The following FBF1 variants were observed in gnomAD, a reference collection of about 807,000 sequenced individuals.
FBF1 encodes fas-binding factor 1.
In FBF1, 119 loss-of-function variants were observed where a neutral mutation model predicts 147.2. The observed-to-expected ratio is 0.81, with a 90% CI of 0.70 to 0.94. The LOEUF (loss-of-function observed/expected upper bound fraction) is 0.94. Ranked by LOEUF, FBF1 falls within the 40% of genes least tolerant of loss-of-function variation. The pLI is 0.00. For missense variants in FBF1, 1,449 were observed against 1,500.8 expected (o/e 0.97, Z 0.57); for synonymous variants, 601 against 609.0 (o/e 0.99, Z 0.19).
At chr17:75,930,351 A>C (rs2065587107) in intron 6 of FBF1, among the ~76,000 whole-genome samples, 1 of 152,200 alleles carries the variant, frequency 6.6e-6, no homozygotes, top group Non-Finnish European at 1.5e-5. Flanking sequence ...GCCAATGGAC[A>C]GCTATGGAGT....
intron 4 of FBF1, among the ~76,000 whole-genome samples, chr17:75,935,166 ATTT>A (rs556762409): frequency 2.8e-5 from 4 of 142,442 alleles, no homozygotes; most frequent in African/African-American, 2.6e-5. Flanking sequence ...ATTACATCTC[ATTT>A]TTTTTTTTTT....
chr17:75,938,049 G>A (rs2608882), intron 2 of FBF1, 98 bp downstream of exon 2: 330,967 of 1,555,070 alleles, frequency 0.21, 35,854 homozygotes, highest in Non-Finnish European at 0.22. Context: ...GGTCCTTGCC[G>A]CCCAGCCCCC....
Position 75,909,999 on chromosome 17 carries a change from T to A in FBF1, c.*724A>T. ...TGGGCAGGTGAGCAGCACAGAGGCT[T>A]CCCTCCTCGTCCCTCCCCACACCCC... is the stretch of plus-strand genomic sequence containing the variant. On this transcript the variant is annotated 3_prime_UTR_variant, in exon 30 of 30. Coordinates refer to ENST00000636174, the MANE Select transcript of FBF1 (RefSeq NM_001319193.2). 1 of 681,860 alleles carries A rather than the reference T, an allele frequency of 1.5e-6. No homozygotes were observed. Among genetic ancestry groups the A allele is most frequent in the Non-Finnish European group, 2.7e-6 (1 of 371,936 alleles). The allele number at this position is 681,860 out of a possible 1,614,324, so 42.2% of individuals were successfully genotyped here. A position where few individuals can be genotyped will look rare whatever the true frequency, so the allele number is the denominator to read the frequency against.
At position 75,935,759 on chromosome 17, in the gene FBF1, C is replaced by A. The variant is rs374208594; in HGVS notation, c.32-86G>T. 7.6e-6 allele frequency: 10 copies of A among 1,316,416 alleles called. No homozygotes were observed. The South Asian group carries it at 1.1e-4, about 14-fold the overall frequency. The allele number at this position is 1,316,416 out of a possible 1,614,324, so 81.5% of individuals were successfully genotyped here. On this transcript the variant is annotated intron_variant, in intron 3 of 29. Coordinates refer to ENST00000636174, the MANE Select transcript of FBF1 (RefSeq NM_001319193.2). ...TCAAGGCTTGAGACTCGCCAGAAGG[C>A]GTCAGACCTTTCAGATGTTGGGACT...
In FBF1 at chr17:75,923,566, G is replaced by A. The variant is rs760558926; in HGVS notation, c.1044C>T (p.Ser348=). 6 of 1,609,910 alleles carry A rather than the reference G, an allele frequency of 3.7e-6. No homozygotes were observed. Among genetic ancestry groups the A allele is most frequent in the Non-Finnish European group, 4.2e-6 (5 of 1,178,502 alleles). Residue 348 remains serine (S), a synonymous_variant, in exon 14 of 30, where the codon AGC becomes AGT. Coordinates refer to ENST00000636174, the MANE Select transcript of FBF1 (RefSeq NM_001319193.2). This position sits in a 1 kb window ranked among gnomAD's most constrained non-coding sequence, Gnocchi z 4.1. The part of the protein sequence containing the change: ...GSKQSPPMAS[S]PIQPRKGGAD... Reference sequence around the variant, plus strand: ...CTCCTCCCTTCCTGGGCTGGATGGGGCTGGAAGCCATTGGAGGGCTCTGTT... The same window carrying A: ...CTCCTCCCTTCCTGGGCTGGATGGGACTGGAAGCCATTGGAGGGCTCTGTT...
chr17:75,936,503 A>C (rs1295768646), intron 3 of FBF1, among the ~76,000 whole-genome samples: 1 of 151,296 alleles, frequency 6.6e-6, no homozygotes, highest in Non-Finnish European at 1.5e-5. Context: ...AAAACAAACA[A>C]ACAAACAAAA....
chr17:75,912,241 G>A lies in FBF1; in HGVS notation c.3314C>T (p.Pro1105Leu), dbSNP rs776111019. The change falls in exon 29 of 30, where the codon CCC (proline) becomes CTC (leucine). Residue 1105 changes from proline (P) to leucine (L), a missense_variant. Physicochemically the swap from Pro to Leu is moderately conservative, Grantham distance 98. Coordinates refer to ENST00000636174, the MANE Select transcript of FBF1 (RefSeq NM_001319193.2). ...TGCCAGCCTGGCATGGAGGTGCAAGGGGCTGGGGTCCAGGCCAGTTGGCGG... is the reference window on the plus strand; with the variant it reads ...TGCCAGCCTGGCATGGAGGTGCAAGAGGCTGGGGTCCAGGCCAGTTGGCGG... ...SQPPTGLDPS[P>L]LHLHARLALL... The A allele has an allele frequency of 6.2e-7, 1 of 1,611,546 alleles. No individual in the cohort carries two copies. The highest frequency in any genetic ancestry group is 8.5e-7 in the Non-Finnish European group (1 of 1,179,402).
chr17:75,931,549 C>T (rs929633685), intron 5 of FBF1, among the ~76,000 whole-genome samples: 13 of 151,954 alleles, frequency 8.6e-5, no homozygotes, highest in Non-Finnish European at 1.6e-4. Flanking sequence ...TTTGGGAGGC[C>T]GAGGCAGGTG....
chr17:75,935,575 G>GA (rs1387733045), intron 4 of FBF1, 57 bp downstream of exon 4: 37 of 1,499,818 alleles, frequency 2.5e-5, no homozygotes, highest in Admixed American at 4.2e-5. Flanking sequence ...AACATAGTAA[G>GA]AAAAAAAAGC....
At chr17:75,935,811 A>C (rs2065621099) in intron 3 of FBF1, 138 bp from the exon 4 acceptor site, 1 of 728,042 alleles carries the variant, frequency 1.4e-6, no homozygotes, top group African/African-American at 1.8e-5. Context: ...TTCATTGGCC[A>C]CGAGATGTTT....
chr17:75,914,292 C>T lies in FBF1; in HGVS notation c.2821G>A (p.Ala941Thr). ...GTLISLAKEQ[A>T]ELKIRASELR... The stretch of plus-strand genomic sequence containing the variant: ...TCGCTGGCCCTGATCTTCAGCTCAG[C>T]CTGCTCCTGGAGACAGCGGAGGCCC... The change falls in exon 26 of 30, where the codon GCT (alanine) becomes ACT (threonine). Residue 941 changes from alanine to threonine, a missense_variant. Physicochemically the swap from Ala to Thr is moderately conservative, Grantham distance 58. Transcript: ENST00000636174. 1.3e-6 allele frequency: 2 copies of T among 1,590,676 alleles called. No homozygotes were observed. The highest frequency in any genetic ancestry group is 1.7e-6 in the Non-Finnish European group (2 of 1,173,376).
chr17:75,931,349 G>A, intron 5 of FBF1, 60 bp from the exon 6 acceptor site: 1 of 1,471,448 alleles, frequency 6.8e-7, no homozygotes, highest in Admixed American at 2.0e-5. Flanking sequence ...ACTCTAAAAA[G>A]GGGAGGAGTA....
chr17:75,935,897 T>A (rs2065621605), intron 3 of FBF1, among the ~76,000 whole-genome samples: 1 of 152,166 alleles, frequency 6.6e-6, no homozygotes, highest in Non-Finnish European at 1.5e-5. Flanking sequence ...TATCTCAGGC[T>A]GGGCGCAGTG....
At position 75,909,839 on chromosome 17, in the gene FBF1, C is replaced by T. The variant is rs779287948; in HGVS notation, c.*884G>A. 5.8e-6 allele frequency: 4 copies of T among 689,512 alleles called. No individual in the cohort carries two copies. Among genetic ancestry groups the T allele is most frequent in the South Asian group, 1.5e-5 (1 of 66,698 alleles). 42.7% of individuals were successfully genotyped at this position (689,512 alleles called of 1,614,324 possible). ...TTTTCTAAGAAATAAGTATAAACTC[C>T]GATGAGCCATGGCAAAAGCAGTTTT... On this transcript the variant is annotated 3_prime_UTR_variant, in exon 30 of 30. Transcript: ENST00000636174.
chr17:75,932,878 TAAA>T (rs748502194), intron 5 of FBF1, 114 bp downstream of exon 5: 2,352 of 431,362 alleles, frequency 5.5e-3, no homozygotes, highest in South Asian at 7.9e-3. Flanking sequence ...AAATATTCTC[TAAA>T]AAAAAAAAAA....
chr17:75,912,149 G>T, intron 29 of FBF1, 43 bp downstream of exon 29: 1 of 1,548,144 alleles, frequency 6.5e-7, no homozygotes, highest in South Asian at 1.2e-5. Context: ...TGAGCTGGAA[G>T]GACTCGTGAA....
Position 75,921,476 on chromosome 17 carries a change from G to A in FBF1, c.1611C>T (p.Ala537=), listed in dbSNP as rs1032331211. Residue 537 remains alanine, a synonymous_variant, in exon 16 of 30, where the codon GCC becomes GCT. Transcript: ENST00000636174. ...AGCAGCAAACAAAAAACAAACCAGT[G>A]GCTGAGAGGTCTCCAGGGGCTGTTC... ...KRGTAPGDLS[A]TEPATCFPST... 6.2e-7 allele frequency: 1 copy of A among 1,612,328 alleles called. No individual in the cohort carries two copies. The highest frequency in any genetic ancestry group is 2.2e-5 in the East Asian group (1 of 44,848).
In FBF1 at chr17:75,927,511, T is replaced by C. The variant is rs369263931; in HGVS notation, c.419A>G (p.Lys140Arg). The change falls in exon 9 of 30, where the codon AAG (lysine) becomes AGG (arginine). Residue 140 changes from lysine to arginine, a missense_variant. Lys to Arg is a conservative substitution (Grantham distance 26). Transcript: ENST00000636174. ...KPAGGAIPTK[K>R]SLPSPSSSGH... The stretch of plus-strand genomic sequence containing the variant: ...AGAGCTGCTGGGAGACGGAAGTGAC[T>C]TCTTGGTGGGAATGGCACCCCCTGC... 1.9e-6 allele frequency: 3 copies of C among 1,604,048 alleles called. No homozygotes were observed. In the African/African-American group the frequency reaches 4.0e-5, roughly 21 times the overall value.
intron 23 of FBF1, among the ~76,000 whole-genome samples, chr17:75,915,476 G>A (rs1489865280): frequency 6.6e-6 from 1 of 152,218 alleles, no homozygotes; most frequent in Non-Finnish European, 1.5e-5. Context: ...CAGCCAAGCA[G>A]GCTAAGCACA....
Sources: gnomAD v4.1 joint callset for allele counts (sites outside exome capture counted in the v4.1 genomes callset) on GRCh38, gnomAD v4.1.1 for gene constraint, Gnocchi (gnomAD v3.1) non-coding constraint, MANE v1.5 for transcripts, NCBI Gene and HGNC (gene_info 2026-07-23, HGNC 2026-07-21) for gene names.